DAB1: variants seen among roughly 807,000 people sequenced by gnomAD.
DAB1 encodes disabled homolog 1.
DAB1 carries 15 observed loss-of-function variants against 64.6 expected under a neutral mutation model. The ratio of observed to expected loss-of-function variants is 0.23; its 90% CI spans 0.16 to 0.36. The LOEUF (loss-of-function observed/expected upper bound fraction) is 0.36. DAB1 is among the 10% of genes least tolerant of loss of function. The pLI, the probability that DAB1 is intolerant of heterozygous loss-of-function variation, is 1.00. For synonymous variants in DAB1, 235 were observed against 251.9 expected (o/e 0.93, Z 0.64); for missense variants, 596 against 706.7 (o/e 0.84, Z 1.78).
intron 2 of DAB1, among the ~76,000 whole-genome samples, chr1:57,248,702 G>T (rs1002104482): frequency 4.6e-5 from 7 of 152,290 alleles, no homozygotes; most frequent in Non-Finnish European, 1.0e-4. Context: ...CCCTGATAAT[G>T]CTATTCCTCA....
chr1:57,838,374 A>T (rs1429175119), intron 1 of DAB1, among the ~76,000 whole-genome samples: 1 of 152,222 alleles, frequency 6.6e-6, no homozygotes, highest in Non-Finnish European at 1.5e-5. Flanking sequence ...GGGTGGCATA[A>T]ATATGGGTAA....
At chr1:57,080,212 C>G (rs1652363796) in intron 4 of DAB1, among the ~76,000 whole-genome samples, 1 of 152,148 alleles carries the variant, frequency 6.6e-6, no homozygotes, top group African/African-American at 2.4e-5. Flanking sequence ...TACCATTAAA[C>G]AACTTCCCAT....
chr1:57,900,965 T>G (rs953801744), intron 5 of DAB1, among the ~76,000 whole-genome samples: 1 of 152,040 alleles, frequency 6.6e-6, no homozygotes, highest in South Asian at 2.1e-4. Context: ...CTTGGATAAG[T>G]TTTTCTGGAA....
intron 6 of DAB1, among the ~76,000 whole-genome samples, chr1:57,819,109 A>C (rs1391268442): frequency 6.6e-6 from 1 of 152,232 alleles, no homozygotes; most frequent in African/African-American, 2.4e-5. Context: ...TGATGGATGT[A>C]GACAAAGTCT....
chr1:58,172,867 T>A (rs4912308), intron 4 of DAB1, among the ~76,000 whole-genome samples: 2,547 of 152,318 alleles, frequency 0.017, 67 homozygotes, highest in South Asian at 0.099. Flanking sequence ...ATAGCAAGTA[T>A]GCTTATCTAA....
In DAB1 at chr1:58,141,086, T is replaced by C. The variant is rs181154165; in HGVS notation, n.387+9425A>G. ...GGGAGCTTTTACTCATAGAGGAAGGTGAAGCAGGAGCAGGCATATCACATG... is the reference window on the plus strand; with the variant it reads ...GGGAGCTTTTACTCATAGAGGAAGGCGAAGCAGGAGCAGGCATATCACATG... On this transcript the variant is annotated intron_variant and non_coding_transcript_variant, in intron 5 of 20. Coordinates refer to the DAB1 transcript ENST00000485760. 5.9e-5 allele frequency among the ~76,000 whole-genome samples: 9 copies of C among 152,092 alleles called. No homozygotes were observed. The East Asian group carries it at 1.7e-3, about 29-fold the overall frequency.
chr1:57,619,562 G>A (rs372503929), intron 7 of DAB1, among the ~76,000 whole-genome samples: 8 of 152,072 alleles, frequency 5.3e-5, no homozygotes, highest in African/African-American at 1.9e-4. Flanking sequence ...ACCAGGCCTG[G>A]CTAATTTTTT....
intron 2 of DAB1, among the ~76,000 whole-genome samples, chr1:57,245,242 A>T (rs190828798): frequency 5.3e-5 from 8 of 152,262 alleles, no homozygotes; most frequent in Admixed American, 3.9e-4. Context: ...TGGAGTTTCG[A>T]ACTTGAGTGA....
intron 5 of DAB1, chr1:58,048,005 A>G: frequency 1.6e-6 from 1 of 611,154 alleles, no homozygotes; most frequent in Non-Finnish European, 2.9e-6. Flanking sequence ...TCACAAATAT[A>G]GTCCTCAAGT....
chr1:57,037,848 A>C (rs542234698), intron 9 of DAB1, among the ~76,000 whole-genome samples: 3 of 152,332 alleles, frequency 2.0e-5, no homozygotes, highest in African/African-American at 7.2e-5. Flanking sequence ...CTCTGATTTT[A>C]ATAAATGGTT....
intron 5 of DAB1, among the ~76,000 whole-genome samples, chr1:57,936,601 C>A (rs917501309): frequency 1.3e-5 from 2 of 152,032 alleles, no homozygotes; most frequent in Non-Finnish European, 2.9e-5. Context: ...TGGGATTTCG[C>A]CATGTTGGCC....
chr1:58,321,664 G>A (rs1331783006), intron 4 of DAB1, among the ~76,000 whole-genome samples: 5 of 152,262 alleles, frequency 3.3e-5, no homozygotes, highest in Non-Finnish European at 5.9e-5. Flanking sequence ...CACTGCTAGC[G>A]CAGTAGTCTG....
chr1:58,317,553 G>A lies in DAB1; in HGVS notation n.309+25799C>T, dbSNP rs1239443776. On this transcript the variant is annotated intron_variant and non_coding_transcript_variant, in intron 4 of 20. Coordinates refer to the DAB1 transcript ENST00000485760. ...GAGAAGAAATGTGGGCAACCTCTAA[G>A]AACATTGGTGCCCCCCTGGCTTGAC... Among the ~76,000 whole-genome samples the A allele has an allele frequency of 2.6e-5, 4 of 152,228 alleles. No homozygotes were observed. The South Asian group carries it at 8.3e-4, about 31-fold the overall frequency.
At chr1:57,287,155 T>C (rs1149628) in intron 2 of DAB1, among the ~76,000 whole-genome samples, 44,843 of 152,154 alleles carry the variant, frequency 0.29, 7,824 homozygotes, top group East Asian at 0.48. Flanking sequence ...CACTGCAAAC[T>C]CCAATTCATG....
intron 6 of DAB1, among the ~76,000 whole-genome samples, chr1:57,743,262 C>T (rs3131733): frequency 0.28 from 41,978 of 151,988 alleles, 6,819 homozygotes; most frequent in East Asian, 0.48. Flanking sequence ...ATTCCACCAT[C>T]GTGATTTGTT....
At chr1:58,025,649 GTGTATATA>G (rs1410603132) in intron 5 of DAB1, among the ~76,000 whole-genome samples, 3,142 of 114,984 alleles carry the variant, frequency 0.027, 94 homozygotes, top group Admixed American at 0.064. Context: ...ATATATATGT[GTGTATATA>G]TATATATATA....
At chr1:57,325,981 A>T (rs1676116688) in intron 1 of DAB1, among the ~76,000 whole-genome samples, 2 of 152,246 alleles carry the variant, frequency 1.3e-5, no homozygotes, top group South Asian at 4.2e-4. Context: ...ACTTCTTTCC[A>T]GCATTAAAGA....
At chr1:57,706,671 T>C (rs909751125) in intron 6 of DAB1, among the ~76,000 whole-genome samples, 1 of 152,120 alleles carries the variant, frequency 6.6e-6, no homozygotes, top group Non-Finnish European at 1.5e-5. Flanking sequence ...TTTACCCAAT[T>C]TCCCCCAATG....
intron 5 of DAB1, among the ~76,000 whole-genome samples, chr1:58,000,611 G>C (rs1473221433): frequency 8.0e-6 from 1 of 125,448 alleles, no homozygotes; most frequent in Non-Finnish European, 1.6e-5. Flanking sequence ...CGCTCTGTCA[G>C]CCAGGCTGGA....
Sources: gnomAD v4.1 joint callset for allele counts (sites outside exome capture counted in the v4.1 genomes callset) on GRCh38, gnomAD v4.1.1 for gene constraint, MANE v1.5 for transcripts, NCBI Gene and HGNC (gene_info 2026-07-23, HGNC 2026-07-21) for gene names.